The following MACROD2 variants were observed in gnomAD, a reference collection of about 807,000 sequenced individuals.
MACROD2 encodes the protein mono-ADP ribosylhydrolase 2, also known as ADP-ribose glycohydrolase MACROD2.
MACROD2 carries 36 observed loss-of-function variants against 70.4 expected under a neutral mutation model. That is an observed-to-expected ratio of 0.51 (90% CI 0.39 to 0.68). The LOEUF (loss-of-function observed/expected upper bound fraction) is 0.68. Among genes scored for constraint, MACROD2 ranks in the 30% least tolerant of loss-of-function variants. The pLI, the probability that MACROD2 is intolerant of heterozygous loss-of-function variation, is 0.00. For synonymous variants in MACROD2, 172 were observed against 178.8 expected (o/e 0.96, Z 0.30); for missense variants, 496 against 538.4 (o/e 0.92, Z 0.78).
At chr20:14,877,832 C>A (rs557432703) in intron 5 of MACROD2, among the ~76,000 whole-genome samples, 10 of 152,134 alleles carry the variant, frequency 6.6e-5, no homozygotes, top group South Asian at 2.1e-4. Flanking sequence ...CCCATTTGAT[C>A]ATGGTGAATT....
intron 8 of MACROD2, among the ~76,000 whole-genome samples, chr20:15,550,978 C>T (rs1036002986): frequency 6.6e-6 from 1 of 152,044 alleles, no homozygotes; most frequent in Non-Finnish European, 1.5e-5. Flanking sequence ...CTGTTTTATC[C>T]AGCGTGCCTG....
At chr20:15,557,664 C>T (rs1312147166) in intron 8 of MACROD2, among the ~76,000 whole-genome samples, 5 of 152,198 alleles carry the variant, frequency 3.3e-5, no homozygotes, top group African/African-American at 9.7e-5. Context: ...AATGGTCACA[C>T]ATGTTTACTA....
intron 3 of MACROD2, among the ~76,000 whole-genome samples, chr20:14,412,193 CA>C (rs1298780191): frequency 6.6e-6 from 1 of 152,158 alleles, no homozygotes; most frequent in Non-Finnish European, 1.5e-5. Context: ...AGGCCTTAAT[CA>C]AACAAATCAC....
At position 15,307,636 on chromosome 20, in the gene MACROD2, A is replaced by G. The variant is rs2077710745; in HGVS notation, c.540+77575A>G. 2.0e-5 allele frequency among the ~76,000 whole-genome samples: 3 copies of G among 152,318 alleles called. No individual in the cohort carries two copies. In the South Asian group the frequency reaches 6.2e-4, roughly 32 times the overall value. On this transcript the variant is annotated intron_variant, in intron 6 of 17. Coordinates refer to ENST00000684519, the MANE Select transcript of MACROD2 (RefSeq NM_001351661.2). ...TATTAAGAAACAGAGACACTCTCAT[A>G]TATAACTGTAGTTTAATTATTAACA...
chr20:14,977,259 G>A (rs1243234703), intron 5 of MACROD2, among the ~76,000 whole-genome samples: 1 of 149,540 alleles, frequency 6.7e-6, no homozygotes, highest in African/African-American at 2.5e-5. Context: ...ATCTTCACCA[G>A]ACTCAGCACA....
chr20:14,844,734 A>G (rs1216914558), intron 5 of MACROD2, among the ~76,000 whole-genome samples: 1 of 152,074 alleles, frequency 6.6e-6, no homozygotes, highest in South Asian at 2.1e-4. Context: ...TGCTTACTAT[A>G]AATCAATCCA....
At chr20:15,521,774 CA>C (rs1228724925) in intron 8 of MACROD2, among the ~76,000 whole-genome samples, 1 of 152,158 alleles carries the variant, frequency 6.6e-6, no homozygotes. Flanking sequence ...GAAGCTAACA[CA>C]GCTCAAAATA....
chr20:15,051,360 G>A (rs887199067), intron 5 of MACROD2, among the ~76,000 whole-genome samples: 3 of 80,948 alleles, frequency 3.7e-5, no homozygotes, highest in Non-Finnish European at 8.3e-5. Context: ...GTGTGTGTGT[G>A]TGTGTGTGTG....
chr20:14,355,383 C>T (rs1279504504), intron 3 of MACROD2, among the ~76,000 whole-genome samples: 1 of 151,960 alleles, frequency 6.6e-6, no homozygotes, highest in Non-Finnish European at 1.5e-5. Flanking sequence ...TTGCAAAGAC[C>T]CCACTAATCC....
At chr20:14,468,188 C>T (rs2084480259) in intron 3 of MACROD2, among the ~76,000 whole-genome samples, 1 of 151,926 alleles carries the variant, frequency 6.6e-6, no homozygotes, top group Non-Finnish European at 1.5e-5. Context: ...TCTTGTTGAT[C>T]TGTCTAATAT....
At chr20:15,019,224 C>A (rs1401769125) in intron 5 of MACROD2, among the ~76,000 whole-genome samples, 1 of 152,168 alleles carries the variant, frequency 6.6e-6, no homozygotes, top group Admixed American at 6.5e-5. Context: ...ACATTTAATT[C>A]TCATTAGGAC....
At chr20:15,218,464 G>A (rs187582117) in intron 5 of MACROD2, among the ~76,000 whole-genome samples, 16 of 152,256 alleles carry the variant, frequency 1.1e-4, no homozygotes, top group African/African-American at 3.6e-4. Context: ...TAAGCATGAG[G>A]AAGTAAAACT....
intron 3 of MACROD2, among the ~76,000 whole-genome samples, chr20:14,367,809 T>C (rs1052050343): frequency 8.5e-5 from 13 of 152,052 alleles, no homozygotes; most frequent in African/African-American, 3.1e-4. Context: ...ATTTATGTAT[T>C]TTTCAAATTT....
chr20:15,327,103 G>A (rs1263179232), intron 6 of MACROD2, among the ~76,000 whole-genome samples: 1 of 152,086 alleles, frequency 6.6e-6, no homozygotes, highest in Non-Finnish European at 1.5e-5. Flanking sequence ...AATCATAAAT[G>A]TTTGTATTTT....
chr20:15,016,519 A>G (rs925007566), intron 5 of MACROD2, among the ~76,000 whole-genome samples: 10 of 151,914 alleles, frequency 6.6e-5, no homozygotes, highest in African/African-American at 2.4e-4. Context: ...ATGGCTTGGT[A>G]CCCTCCCCAC....
intron 4 of MACROD2, among the ~76,000 whole-genome samples, chr20:14,667,563 G>A (rs531418221): frequency 6.6e-6 from 1 of 152,190 alleles, no homozygotes; most frequent in Non-Finnish European, 1.5e-5. Flanking sequence ...TGCGTGTGCT[G>A]TGTTAAATAT....
chr20:15,546,257 A>T (rs2048024913), intron 8 of MACROD2, among the ~76,000 whole-genome samples: 1 of 151,998 alleles, frequency 6.6e-6, no homozygotes, highest in South Asian at 2.1e-4. Flanking sequence ...AAAAAAAGAG[A>T]CTCTGACCAT....
At chr20:15,730,290 G>T (rs1343803359) in intron 8 of MACROD2, among the ~76,000 whole-genome samples, 1 of 152,166 alleles carries the variant, frequency 6.6e-6, no homozygotes, top group East Asian at 1.9e-4. Context: ...GCTTTATAGT[G>T]TCAATGGTCT....
At chr20:15,679,725 G>T (rs970503839) in intron 8 of MACROD2, among the ~76,000 whole-genome samples, 2 of 152,124 alleles carry the variant, frequency 1.3e-5, no homozygotes, top group Non-Finnish European at 2.9e-5. Flanking sequence ...ACATAGAGGA[G>T]AGTCAAGGAG....
Sources: gnomAD v4.1 joint callset for allele counts (sites outside exome capture counted in the v4.1 genomes callset) on GRCh38, gnomAD v4.1.1 for gene constraint, MANE v1.5 for transcripts, NCBI Gene and HGNC (gene_info 2026-07-23, HGNC 2026-07-21) for gene names.